The following MRPL22 variants were observed in gnomAD, a reference collection of about 807,000 sequenced individuals.
MRPL22 encodes mitochondrial ribosomal protein L22, also known as large ribosomal subunit protein uL22m.
A neutral mutation model predicts 32.4 loss-of-function variants in MRPL22; 27 were observed. That is an observed-to-expected ratio of 0.83 (90% CI 0.61 to 1.15). The LOEUF (loss-of-function observed/expected upper bound fraction) is 1.15, where lower values mean the gene tolerates loss of function less well. Among genes scored for constraint, MRPL22 ranks in the 50% most tolerant of loss-of-function variants. MRPL22 has a pLI of 0.00. For missense variants in MRPL22, 239 were observed against 260.2 expected, an observed-to-expected ratio of 0.92 and a Z score of 0.56; for synonymous variants, 86 against 87.3, an observed-to-expected ratio of 0.99 and a Z score of 0.08.
At chr5:154,945,448 C>G (rs1764476528) in intron 2 of MRPL22, among the ~76,000 whole-genome samples, 1 of 152,108 alleles carries the variant, frequency 6.6e-6, no homozygotes, top group Non-Finnish European at 1.5e-5. Context: ...TTGTAAGCAT[C>G]CAAGTAGAGA....
intron 2 of MRPL22, among the ~76,000 whole-genome samples, chr5:154,945,105 G>C (rs943797627): frequency 1.3e-5 from 2 of 152,152 alleles, no homozygotes; most frequent in Admixed American, 1.3e-4. Flanking sequence ...GTTCTTTCTG[G>C]CTGCTGTGTT....
In MRPL22 at chr5:154,941,102, G is replaced by A; in HGVS notation, c.-9G>A. On this transcript the variant is annotated 5_prime_UTR_variant, in exon 1 of 7. Coordinates refer to ENST00000523037, the MANE Select transcript of MRPL22 (RefSeq NM_014180.4). Reference sequence around the variant, plus strand: ...GAACTCGGCGGCTTCCGTAGCGGGAGGGCGAAAGATGGCGGCGGCAGTACT... The same window carrying A: ...GAACTCGGCGGCTTCCGTAGCGGGAAGGCGAAAGATGGCGGCGGCAGTACT... 1 of 1,613,738 alleles carries A rather than the reference G, an allele frequency of 6.2e-7. No individual in the cohort carries two copies. Among genetic ancestry groups the A allele is most frequent in the South Asian group, 1.1e-5 (1 of 91,062 alleles).
rs1371889232 is a variant in MRPL22 at position 154,967,068 on chromosome 5, T to A, written c.*171T>A. ...GCTTTGCCCATTTCTTTTGAGCCTCTGGGCATATTTGTATGCATTTGCGAC... is the reference window on the plus strand; with the variant it reads ...GCTTTGCCCATTTCTTTTGAGCCTCAGGGCATATTTGTATGCATTTGCGAC... On this transcript the variant is annotated 3_prime_UTR_variant, in exon 7 of 7. Transcript: ENST00000523037. This position sits in a 1 kb window ranked among gnomAD's most constrained non-coding sequence, Gnocchi z 4.7. The A allele has an allele frequency of 7.8e-6, 6 of 768,636 alleles. No homozygotes were observed. In the African/African-American group the frequency reaches 1.1e-4, roughly 14 times the overall value. 47.6% of individuals were successfully genotyped at this position (768,636 alleles called of 1,614,324 possible). A position where few individuals can be genotyped will look rare whatever the true frequency, so the allele number is the denominator to read the frequency against.
intron 5 of MRPL22, among the ~76,000 whole-genome samples, chr5:154,958,304 T>C (rs187717142): frequency 4.7e-4 from 71 of 152,236 alleles, no homozygotes; most frequent in African/African-American, 1.6e-3. Flanking sequence ...TTGTTTTCTA[T>C]ATATTCAGTT....
intron 2 of MRPL22, among the ~76,000 whole-genome samples, chr5:154,948,989 T>C (rs750287038): frequency 2.4e-4 from 37 of 152,220 alleles, no homozygotes; most frequent in Non-Finnish European, 5.3e-4. Flanking sequence ...GTCCCATCTT[T>C]GGCTTGTTGG....
At position 154,968,146 on chromosome 5, in the gene MRPL22, TCA is replaced by T. The variant is rs1295246038; in HGVS notation, c.*1254_*1255del. The T allele has an allele frequency of 6.6e-5, 10 of 152,318 alleles. No individual in the cohort carries two copies. In the East Asian group the frequency reaches 1.7e-3, roughly 26 times the overall value. 9.4% of individuals were successfully genotyped at this position (152,318 alleles called of 1,614,324 possible). A position where few individuals can be genotyped will look rare whatever the true frequency, so the allele number is the denominator to read the frequency against. ...ACAGAATTCAAATAACTATCACAAG[TCA>T]CACAGCATGTAAATATTGGGGCTAT... On this transcript the variant is annotated 3_prime_UTR_variant, in exon 7 of 7. Transcript: ENST00000523037.
Position 154,966,744 on chromosome 5 carries a change from T to C in MRPL22, c.468T>C (p.Gly156=). The C allele has an allele frequency of 6.2e-7, 1 of 1,614,124 alleles. No individual in the cohort carries two copies. ...AACGCATCCGCTACCATGGCAGAGGTCGCTTTGGGATCATGGAGAAGGTTT... is the reference window on the plus strand; with the variant it reads ...AACGCATCCGCTACCATGGCAGAGGCCGCTTTGGGATCATGGAGAAGGTTT... ...CLKRIRYHGR[G]RFGIMEKVYC... Residue 156 remains glycine, a synonymous_variant, in exon 7 of 7, where the codon GGT becomes GGC. Coordinates refer to ENST00000523037, the MANE Select transcript of MRPL22 (RefSeq NM_014180.4).
chr5:154,963,595 A>G lies in MRPL22; in HGVS notation c.410-3091A>G, dbSNP rs1327092355. The stretch of plus-strand genomic sequence containing the variant: ...TACCAGAGACCTCTGTATTGAAAAA[A>G]TGATATTAAGTAGCAGATGATGTAT... On this transcript the variant is annotated intron_variant, in intron 6 of 6. Coordinates refer to ENST00000523037, the MANE Select transcript of MRPL22 (RefSeq NM_014180.4). 3.3e-5 allele frequency among the ~76,000 whole-genome samples: 5 copies of G among 152,368 alleles called. No individual in the cohort carries two copies. In the East Asian group the frequency reaches 9.6e-4, roughly 29 times the overall value.
intron 3 of MRPL22, chr5:154,955,376 T>A (rs980906466): frequency 6.6e-6 from 1 of 152,212 alleles, no homozygotes; most frequent in African/African-American, 2.4e-5. Flanking sequence ...TTGCTATAGT[T>A]TTCCATAACA....
Position 154,966,840 on chromosome 5 carries a change from C to T in MRPL22, c.564C>T (p.Ala188=), listed in dbSNP as rs1188778606. Residue 188 remains alanine (A), a synonymous_variant, in exon 7 of 7, where the codon GCC becomes GCT. Coordinates refer to ENST00000523037, the MANE Select transcript of MRPL22 (RefSeq NM_014180.4). ...PPPEPPKTAV[A]HAKEYIQQLR... is the part of the protein sequence containing the mutation. The stretch of plus-strand genomic sequence containing the variant: ...CTGAGCCACCAAAGACGGCAGTTGC[C>T]CATGCCAAAGAGTATATTCAGCAGC... 1.9e-6 allele frequency: 3 copies of T among 1,614,032 alleles called. No homozygotes were observed. The highest frequency in any genetic ancestry group is 2.7e-5 in the African/African-American group (2 of 74,924).
chr5:154,949,011 T>G (rs1764526702), intron 2 of MRPL22, among the ~76,000 whole-genome samples: 1 of 152,246 alleles, frequency 6.6e-6, no homozygotes, highest in South Asian at 2.1e-4. Flanking sequence ...CATCCACAAG[T>G]TGGCTCCTGA....
chr5:154,952,151 G>C (rs990499302), intron 3 of MRPL22, among the ~76,000 whole-genome samples: 1 of 152,136 alleles, frequency 6.6e-6, no homozygotes, highest in Non-Finnish European at 1.5e-5. Context: ...AAAGTGCTGG[G>C]ATTACAGGCG....
intron 2 of MRPL22, among the ~76,000 whole-genome samples, chr5:154,948,087 G>T (rs1422482791): frequency 6.6e-6 from 1 of 152,146 alleles, no homozygotes; most frequent in Non-Finnish European, 1.5e-5. Context: ...AGTTTGCTGT[G>T]TTAACTTTTT....
intron 3 of MRPL22, chr5:154,955,397 A>G (rs928019219): frequency 6.6e-6 from 1 of 152,178 alleles, no homozygotes; most frequent in Admixed American, 6.5e-5. Context: ...CATGTTTTCT[A>G]ATTTTTTTTT....
Position 154,967,062 on chromosome 5 carries a change from A to C in MRPL22, c.*165A>C, listed in dbSNP as rs1764779898. The stretch of plus-strand genomic sequence containing the variant: ...TATAAGGCTTTGCCCATTTCTTTTG[A>C]GCCTCTGGGCATATTTGTATGCATT... On this transcript the variant is annotated 3_prime_UTR_variant, in exon 7 of 7. Transcript: ENST00000523037. This position sits in a 1 kb window ranked among gnomAD's most constrained non-coding sequence, Gnocchi z 4.7. 6.2e-6 allele frequency: 5 copies of C among 806,432 alleles called. No individual in the cohort carries two copies. Among genetic ancestry groups the C allele is most frequent in the African/African-American group, 1.7e-5 (1 of 57,740 alleles). 50.0% of individuals were successfully genotyped at this position (806,432 alleles called of 1,614,324 possible).
At chr5:154,964,147 T>G (rs1764737860) in intron 6 of MRPL22, among the ~76,000 whole-genome samples, 1 of 152,214 alleles carries the variant, frequency 6.6e-6, no homozygotes, top group Non-Finnish European at 1.5e-5. Flanking sequence ...TTTAAAAGTA[T>G]TAACAATAAG....
intron 2 of MRPL22, among the ~76,000 whole-genome samples, 183 bp downstream of exon 2, chr5:154,941,448 A>C (rs1355465966): frequency 6.6e-6 from 1 of 152,192 alleles, no homozygotes; most frequent in Non-Finnish European, 1.5e-5. Flanking sequence ...TAAACTGTAC[A>C]GGGATCAGGA....
At chr5:154,951,623 G>A (rs551445958) in intron 3 of MRPL22, among the ~76,000 whole-genome samples, 216 of 151,850 alleles carry the variant, frequency 1.4e-3, no homozygotes, top group African/African-American at 4.8e-3. Context: ...TGCAGCCTTC[G>A]CCTCCCGGGT....
chr5:154,961,884 C>T (rs890680086), intron 6 of MRPL22, among the ~76,000 whole-genome samples: 1 of 152,024 alleles, frequency 6.6e-6, no homozygotes, highest in African/African-American at 2.4e-5. Context: ...ACAGAGGTCT[C>T]GCTTAGATGC....
Sources: gnomAD v4.1 joint callset for allele counts (sites outside exome capture counted in the v4.1 genomes callset) on GRCh38, gnomAD v4.1.1 for gene constraint, Gnocchi (gnomAD v3.1) non-coding constraint, MANE v1.5 for transcripts, NCBI Gene and HGNC (gene_info 2026-07-23, HGNC 2026-07-21) for gene names.